The following GSDME variants were observed in gnomAD, a reference collection of about 807,000 sequenced individuals.
The protein encoded by GSDME is gasdermin E.
Under a neutral mutation model 47.5 loss-of-function variants are expected in GSDME, and 44 were observed. The observed-to-expected ratio is 0.93, with a 90% CI of 0.73 to 1.19. The LOEUF (loss-of-function observed/expected upper bound fraction) is 1.19. GSDME is among the 50% of genes most tolerant of loss of function. GSDME has a pLI of 0.00. For missense variants in GSDME, 663 were observed against 604.2 expected, an observed-to-expected ratio of 1.10 and a Z score of -1.02; for synonymous variants, 258 against 252.8, an observed-to-expected ratio of 1.02 and a Z score of -0.20.
chr7:24,771,653 A>G, the GSDME span, among the ~76,000 whole-genome samples: 1 of 152,172 alleles, frequency 6.6e-6, no homozygotes, highest in Non-Finnish European at 1.5e-5. This position sits in a 1 kb window ranked among gnomAD's most constrained non-coding sequence, Gnocchi z 4.1. Flanking sequence ...TAGGTTACAG[A>G]AGGGTACCCC....
intron 1 of GSDME, among the ~76,000 whole-genome samples, chr7:24,752,693 G>A (rs1175410113): frequency 6.6e-6 from 1 of 152,166 alleles, no homozygotes; most frequent in African/African-American, 2.4e-5. Context: ...GAGGGCCTGT[G>A]AGAACTCGTC....
chr7:24,777,612 C>A, the GSDME span, among the ~76,000 whole-genome samples: 1 of 151,998 alleles, frequency 6.6e-6, no homozygotes, highest in African/African-American at 2.4e-5. Flanking sequence ...CTCACCTAAC[C>A]CCAGATCATT....
chr7:24,781,046 C>G, the GSDME span, among the ~76,000 whole-genome samples: 14 of 152,196 alleles, frequency 9.2e-5, no homozygotes, highest in African/African-American at 3.4e-4. Context: ...ACACATTGGT[C>G]TAGTGATGGG....
At chr7:24,786,089 A>T in the GSDME span, among the ~76,000 whole-genome samples, 1 of 152,320 alleles carries the variant, frequency 6.6e-6, no homozygotes, top group Non-Finnish European at 1.5e-5. The surrounding 1 kb of genome is among the most constrained non-coding windows in gnomAD (Gnocchi z 5.5). Context: ...ATTTCTACTT[A>T]TTCTGGGGAT....
In GSDME at chr7:24,710,402, G is replaced by T; in HGVS notation, c.698-14C>A. The T allele has an allele frequency of 1.2e-6, 2 of 1,614,110 alleles. No homozygotes were observed. Among genetic ancestry groups the T allele is most frequent in the Non-Finnish European group, 1.7e-6 (2 of 1,179,968 alleles). On this transcript the variant is annotated splice_polypyrimidine_tract_variant and intron_variant, in intron 5 of 9. Transcript: ENST00000645220. ...GAAGGCAGAACTCTGTAGTGCAGGA[G>T]AAAAGGACAAGTTAGGTAAAGTTGA...
rs1789580402 is a variant in GSDME at position 24,716,945 on chromosome 7, T to C, written c.697+309A>G. 1 of 414,916 alleles carries C rather than the reference T, an allele frequency of 2.4e-6. No individual in the cohort carries two copies. The highest frequency in any genetic ancestry group is 2.2e-5 in the South Asian group (1 of 46,334). 25.7% of individuals were successfully genotyped at this position (414,916 alleles called of 1,614,324 possible). On this transcript the variant is annotated intron_variant, in intron 5 of 9. Coordinates refer to ENST00000645220, the MANE Select transcript of GSDME (RefSeq NM_001127453.2). This position sits in a 1 kb window ranked among gnomAD's most constrained non-coding sequence, Gnocchi z 4.5. ...GGCACCGGGGTTGATGCCCAGTGTG[T>C]CTGATGCAGAGCCCAGGTTGATGCC...
rs1366320411 is a variant in GSDME at position 24,748,168 on chromosome 7, A to ATT, written c.211+1394_211+1395dup. On this transcript the variant is annotated intron_variant, in intron 2 of 9. Coordinates refer to ENST00000645220, the MANE Select transcript of GSDME (RefSeq NM_001127453.2). Reference sequence around the variant, plus strand: ...AGTATATATATATATATATATATATATTTTTTTTTGAGATGGAATCTCACT... The same window carrying ATT: ...AGTATATATATATATATATATATATATTTTTTTTTTTGAGATGGAATCTCACT... Among the ~76,000 whole-genome samples, 247 of 117,480 alleles carry ATT rather than the reference A, an allele frequency of 2.1e-3. 1 individual carries two copies. The highest frequency in any genetic ancestry group is 9.3e-3 in the Middle Eastern group (2 of 214). The allele number at this position is 117,480 out of a possible 152,430, so 77.1% of individuals were successfully genotyped here.
At chr7:24,752,273 A>C (rs1005375449) in intron 1 of GSDME, among the ~76,000 whole-genome samples, 7 of 152,172 alleles carry the variant, frequency 4.6e-5, no homozygotes, top group Non-Finnish European at 1.0e-4. Flanking sequence ...TGACTCTTGC[A>C]CTGGAATGCA....
the GSDME span, among the ~76,000 whole-genome samples, chr7:24,770,930 C>T: frequency 6.8e-6 from 1 of 146,652 alleles, no homozygotes; most frequent in East Asian, 2.0e-4. The surrounding 1 kb of genome is among the most constrained non-coding windows in gnomAD (Gnocchi z 4.6). Flanking sequence ...AAAGGTGTAA[C>T]ATTAGCGTAA....
chr7:24,759,102 A>C (rs1483568007), upstream of GSDME, among the ~76,000 whole-genome samples: 1 of 152,166 alleles, frequency 6.6e-6, no homozygotes, highest in African/African-American at 2.4e-5. Flanking sequence ...TGATTTGCTA[A>C]TGTGATGAGA....
intron 5 of GSDME, among the ~76,000 whole-genome samples, chr7:24,713,229 C>T (rs1334462888): frequency 6.6e-6 from 1 of 152,180 alleles, no homozygotes; most frequent in Admixed American, 6.5e-5. Context: ...CCTGTCTCTT[C>T]ACCTCTCTGT....
At chr7:24,723,517 T>A (rs1312287502) in intron 3 of GSDME, among the ~76,000 whole-genome samples, 1 of 152,212 alleles carries the variant, frequency 6.6e-6, no homozygotes, top group Admixed American at 6.5e-5. Flanking sequence ...TATTTTATTA[T>A]AAGCATTTAA....
At chr7:24,717,492 C>T (rs1224152931) in intron 4 of GSDME, 118 bp from the exon 5 acceptor site, 31 of 1,492,572 alleles carry the variant, frequency 2.1e-5, no homozygotes, top group Non-Finnish European at 2.6e-5. Flanking sequence ...GTCCACAGAA[C>T]CGAGTGGAAC....
In GSDME at chr7:24,756,950, G is replaced by A. The variant is rs1039521784; in HGVS notation, c.-20+446C>T. On this transcript the variant is annotated intron_variant, in intron 1 of 9. Transcript: ENST00000645220. This position sits in a 1 kb window ranked among gnomAD's most constrained non-coding sequence, Gnocchi z 4.2. The stretch of plus-strand genomic sequence containing the variant: ...TATCTGTTCCGCGGTCCGCCTCCCT[G>A]CACACACGCCCCCGAGCCGGGAGAG... 1.3e-5 allele frequency among the ~76,000 whole-genome samples: 2 copies of A among 151,856 alleles called. No homozygotes were observed. Among genetic ancestry groups the A allele is most frequent in the African/African-American group, 2.4e-5 (1 of 41,462 alleles).
chr7:24,778,641 G>A, the GSDME span, among the ~76,000 whole-genome samples: 2 of 152,166 alleles, frequency 1.3e-5, no homozygotes, highest in African/African-American at 2.4e-5. This position sits in a 1 kb window ranked among gnomAD's most constrained non-coding sequence, Gnocchi z 5.6. Flanking sequence ...CTTGGGGCAT[G>A]AGACAGCTGC....
intron 8 of GSDME, 103 bp from the exon 9 acceptor site, chr7:24,702,936 C>A (rs1181229503): frequency 3.3e-6 from 3 of 920,382 alleles, no homozygotes; most frequent in East Asian, 5.5e-5. Flanking sequence ...ACTTTCCCGC[C>A]AGCCAGGCAG....
chr7:24,771,655 G>T, the GSDME span, among the ~76,000 whole-genome samples: 1 of 152,132 alleles, frequency 6.6e-6, no homozygotes, highest in South Asian at 2.1e-4. This position sits in a 1 kb window ranked among gnomAD's most constrained non-coding sequence, Gnocchi z 4.1. Flanking sequence ...GGTTACAGAA[G>T]GGTACCCCAG....
the GSDME span, among the ~76,000 whole-genome samples, chr7:24,794,635 AATCT>A: frequency 3.3e-5 from 5 of 152,140 alleles, no homozygotes; most frequent in Admixed American, 3.3e-4. Flanking sequence ...AATGCCCGCC[AATCT>A]ATCTCACACA....
rs1056523184 is a variant in GSDME at position 24,707,672 on chromosome 7, G to C, written c.990+455C>G. 6 of 328,110 alleles carry C rather than the reference G, an allele frequency of 1.8e-5. No individual in the cohort carries two copies. In the Admixed American group the frequency reaches 2.8e-4, roughly 15 times the overall value. The allele number at this position is 328,110 out of a possible 1,614,324, so 20.3% of individuals were successfully genotyped here. A position where few individuals can be genotyped will look rare whatever the true frequency, so the allele number is the denominator to read the frequency against. On this transcript the variant is annotated intron_variant, in intron 7 of 9. Transcript: ENST00000645220. ...AATGATGGTGTCTTTATAACAGACA[G>C]TAAAGGAGAAGACACACACACACAC...
Sources: gnomAD v4.1 joint callset for allele counts (sites outside exome capture counted in the v4.1 genomes callset) on GRCh38, gnomAD v4.1.1 for gene constraint, Gnocchi (gnomAD v3.1) non-coding constraint, MANE v1.5 for transcripts, NCBI Gene and HGNC (gene_info 2026-07-23, HGNC 2026-07-21) for gene names.